The following AR variants were observed in gnomAD, a reference collection of about 807,000 sequenced individuals.
The protein encoded by AR is dihydrotestosterone receptor.
AR carries 8 observed loss-of-function variants against 53.9 expected under a neutral mutation model. The ratio of observed to expected loss-of-function variants is 0.15; its 90% CI spans 0.09 to 0.27. AR has a LOEUF of 0.27. Among genes scored for constraint, AR ranks in the 10% least tolerant of loss-of-function variants. The probability of loss-of-function intolerance (pLI) is 1.00; values close to 1 mark genes in which losing one functional copy is unlikely to be tolerated. For missense variants in AR, 639 were observed against 742.5 expected, an observed-to-expected ratio of 0.86 and a Z score of 1.62; for synonymous variants, 359 against 316.4, an observed-to-expected ratio of 1.13 and a Z score of -1.43.
chrX:67,686,165 T>G, intron 3 of AR, 39 bp downstream of exon 3: 1 of 1,136,631 alleles, frequency 8.8e-7, no homozygotes, highest in Non-Finnish European at 1.2e-6. Context: ...CCTTCCTCTC[T>G]CCCCCTTCTC....
At chrX:67,620,363 T>C (rs1924313565) in intron 1 of AR, among the ~76,000 whole-genome samples, 1 of 109,091 alleles carries the variant, frequency 9.2e-6, no homozygotes, top group African/African-American at 3.3e-5. Flanking sequence ...GGAGGTAGCA[T>C]GATGATTGCA....
chrX:67,645,236 G>A (rs1365168081), intron 2 of AR, among the ~76,000 whole-genome samples: 1 of 111,749 alleles, frequency 8.9e-6, no homozygotes, highest in Non-Finnish European at 1.9e-5. Context: ...TTACAAATAT[G>A]GGTCACTAAA....
intron 3 of AR, among the ~76,000 whole-genome samples, chrX:67,686,992 A>T (rs753301325): frequency 1.4e-4 from 16 of 111,854 alleles, no homozygotes; most frequent in Non-Finnish European, 2.8e-4. Flanking sequence ...TTCCAAAAAG[A>T]TGTGTCTTTC....
At chrX:67,610,927 G>A (rs1309722952) in intron 1 of AR, among the ~76,000 whole-genome samples, 1 of 111,530 alleles carries the variant, frequency 9.0e-6, no homozygotes, top group East Asian at 2.8e-4. Flanking sequence ...TAGGCAAGTT[G>A]CTTAATTTCT....
chrX:67,728,822 G>T lies in AR; in HGVS notation c.*4981G>T, dbSNP rs1429011353. ...CCACAGGTCCTGTGAAGGAGCAGAG[G>T]GATAAAAAGAGTAGAGGACATGATA... On this transcript the variant is annotated 3_prime_UTR_variant, in exon 8 of 8. Coordinates refer to ENST00000374690, the MANE Select transcript of AR (RefSeq NM_000044.6). The T allele has an allele frequency of 6.2e-6, 1 of 160,594 alleles. No individual in the cohort carries two copies. Among genetic ancestry groups the T allele is most frequent in the Admixed American group, 8.4e-5 (1 of 11,873 alleles). 13.2% of individuals were successfully genotyped at this position (160,594 alleles called of 1,213,427 possible).
chrX:67,686,248 A>G, intron 3 of AR, 122 bp downstream of exon 3: 1 of 787,850 alleles, frequency 1.3e-6, no homozygotes, highest in Non-Finnish European at 1.9e-6. Flanking sequence ...CATGCTCTAG[A>G]CACAGGCTGA....
At chrX:67,631,959 G>A (rs1925153778) in intron 1 of AR, among the ~76,000 whole-genome samples, 1 of 113,183 alleles carries the variant, frequency 8.8e-6, no homozygotes, top group Non-Finnish European at 1.9e-5. Context: ...TCAGGGGTCA[G>A]GGGTCAGGGA....
At chrX:67,580,257 C>G (rs761898961) in intron 1 of AR, among the ~76,000 whole-genome samples, 1 of 110,767 alleles carries the variant, frequency 9.0e-6, no homozygotes, top group South Asian at 3.9e-4. Context: ...AATTTCTTCC[C>G]TCCATTTGTC....
chrX:67,608,695 A>G (rs1240725786), intron 1 of AR, among the ~76,000 whole-genome samples: 2 of 111,869 alleles, frequency 1.8e-5, no homozygotes, highest in African/African-American at 6.5e-5. Flanking sequence ...AACAAGTAAA[A>G]CATATCACTA....
At chrX:67,637,575 C>T (rs1262348218) in intron 1 of AR, among the ~76,000 whole-genome samples, 1 of 108,676 alleles carries the variant, frequency 9.2e-6, no homozygotes, top group African/African-American at 3.4e-5. Flanking sequence ...TCCAGTCTAT[C>T]ATTGTTGGAC....
intron 3 of AR, among the ~76,000 whole-genome samples, chrX:67,687,714 C>A (rs946095499): frequency 8.9e-6 from 1 of 112,113 alleles, no homozygotes; most frequent in African/African-American, 3.2e-5. Flanking sequence ...ATTATTTAGC[C>A]TTCTGTGAAT....
rs201862104 is a variant in AR, at chrX:67,593,126, AC to A, written c.1616+46365del. Among the ~76,000 whole-genome samples the A allele has an allele frequency of 7.1e-3, 792 of 111,126 alleles. 4 individuals carry two copies. Among genetic ancestry groups the A allele is most frequent in the Non-Finnish European group, 8.8e-3 (468 of 53,013 alleles). Reference sequence around the variant, plus strand: ...TGTTAACATTACTGTTTTACTCTTCACTTTAGTTCTTAAATGGCATAGTGTC... The same window carrying A: ...TGTTAACATTACTGTTTTACTCTTCATTTAGTTCTTAAATGGCATAGTGTC... On this transcript the variant is annotated intron_variant, in intron 1 of 7. Coordinates refer to ENST00000374690, the MANE Select transcript of AR (RefSeq NM_000044.6).
chrX:67,694,606 T>G, intron 3 of AR: 1 of 1,146,335 alleles, frequency 8.7e-7, no homozygotes, highest in Non-Finnish European at 1.2e-6. Flanking sequence ...CATCTGATTA[T>G]GGAGCCTGCT....
rs966072610 is a variant in AR, at chrX:67,583,694, T to C, written c.1616+36932T>C. On this transcript the variant is annotated intron_variant, in intron 1 of 7. Transcript: ENST00000374690. ...ATAAACATTGTACACACCAGATGTA[T>C]TCAACAACCATAAAAAAAAACAATT... Among the ~76,000 whole-genome samples the C allele has an allele frequency of 2.7e-5, 3 of 111,776 alleles. No individual in the cohort carries two copies. In the Admixed American group the frequency reaches 2.9e-4, roughly 11 times the overall value.
chrX:67,690,157 G>A (rs2075988019), intron 3 of AR, among the ~76,000 whole-genome samples: 1 of 112,112 alleles, frequency 8.9e-6, no homozygotes, highest in Non-Finnish European at 1.9e-5. Context: ...CAGAGACCTA[G>A]ACCATGTGAG....
intron 1 of AR, among the ~76,000 whole-genome samples, chrX:67,554,007 G>C (rs1477265144): frequency 8.9e-6 from 1 of 112,067 alleles, no homozygotes; most frequent in African/African-American, 3.2e-5. Context: ...CTGTATGAAG[G>C]CTGCATGGGG....
chrX:67,702,920 C>T (rs867937972), intron 3 of AR, among the ~76,000 whole-genome samples: 1 of 111,069 alleles, frequency 9.0e-6, no homozygotes, highest in African/African-American at 3.3e-5. Context: ...CCCATCTCTA[C>T]AAAAAATGTT....
chrX:67,718,756 C>T (rs1003552977), intron 5 of AR, among the ~76,000 whole-genome samples: 1 of 111,372 alleles, frequency 9.0e-6, no homozygotes, highest in African/African-American at 3.3e-5. Flanking sequence ...GCCTCAGCTT[C>T]CCGAGTAGCT....
At chrX:67,600,700 A>G (rs1923312452) in intron 1 of AR, among the ~76,000 whole-genome samples, 1 of 111,621 alleles carries the variant, frequency 9.0e-6, no homozygotes, top group South Asian at 3.8e-4. Context: ...CTAAAGAGGT[A>G]TAATAGGATT....
Sources: allele counts gnomAD v4.1 joint callset (sites outside exome capture counted in the v4.1 genomes callset), GRCh38; gene constraint gnomAD v4.1.1; transcripts MANE v1.5; gene names NCBI Gene and HGNC (gene_info 2026-07-23, HGNC 2026-07-21).